Variants in EIF4E3 observed in about 807,000 individuals in gnomAD.
EIF4E3 encodes the protein eukaryotic translation initiation factor 4E type 3.
In EIF4E3, 26 loss-of-function variants were observed where a neutral mutation model predicts 31.7. The ratio of observed to expected loss-of-function variants is 0.82; its 90% CI spans 0.60 to 1.14. The LOEUF (loss-of-function observed/expected upper bound fraction) is 1.14. EIF4E3 is among the 50% of genes most tolerant of loss of function. The pLI is 0.00. For missense variants in EIF4E3, 304 were observed against 270.9 expected (o/e 1.12, Z -0.86); for synonymous variants, 128 against 107.7 (o/e 1.19, Z -1.17).
intron 2 of EIF4E3, among the ~76,000 whole-genome samples, chr3:71,709,928 G>A (rs2108076482): frequency 6.6e-6 from 1 of 152,230 alleles, no homozygotes; most frequent in South Asian, 2.1e-4. Context: ...GAATTGCGAA[G>A]TGAAGTAGGA....
At position 71,717,038 on chromosome 3, in the gene EIF4E3, A is replaced by G. The variant is rs187887432; in HGVS notation, c.177-6554T>C. ...ACACTATCTTAATCATTACCTGGCTATCTTTTATCAGACCACAGCACCACT... is the reference window on the plus strand; with the variant it reads ...ACACTATCTTAATCATTACCTGGCTGTCTTTTATCAGACCACAGCACCACT... On this transcript the variant is annotated intron_variant, in intron 1 of 6. Coordinates refer to ENST00000425534, the MANE Select transcript of EIF4E3 (RefSeq NM_001134651.2). Among the ~76,000 whole-genome samples the G allele has an allele frequency of 2.6e-5, 4 of 152,372 alleles. No homozygotes were observed. The East Asian group carries it at 7.7e-4, about 29-fold the overall frequency.
intron 1 of EIF4E3, among the ~76,000 whole-genome samples, chr3:71,715,052 G>C (rs1423373349): frequency 6.6e-6 from 1 of 152,206 alleles, no homozygotes; most frequent in Admixed American, 6.5e-5. Context: ...CAGTCCAGGG[G>C]TGCTCATCTG....
At chr3:71,744,554 G>C (rs1459957914) in intron 1 of EIF4E3, among the ~76,000 whole-genome samples, 2 of 152,186 alleles carry the variant, frequency 1.3e-5, no homozygotes, top group African/African-American at 4.8e-5. Context: ...AGACCAGCCT[G>C]ATCAACATGG....
chr3:71,727,355 C>T (rs1017252017), upstream of EIF4E3, among the ~76,000 whole-genome samples: 1 of 152,198 alleles, frequency 6.6e-6, no homozygotes, highest in African/African-American at 2.4e-5. Flanking sequence ...AATACCAATG[C>T]TGTACCTTCT....
chr3:71,684,728 G>T lies in EIF4E3; in HGVS notation c.629C>A (p.Pro210His). The change falls in exon 7 of 7, where the codon CCC becomes CAC. Residue 210 changes from proline to histidine, a missense_variant and splice_region_variant. Transcript: ENST00000425534. Reference sequence around the variant, plus strand: ...TTCAAAAGCATGATGCTCTTCATGGGCTAAAGGACAGAAAAAAAACAAAAA... The same window carrying T: ...TTCAAAAGCATGATGCTCTTCATGGTCTAAAGGACAGAAAAAAAACAAAAA... ...HITFKAVFYK[P>H]HEEHHAFEGG... The T allele has an allele frequency of 6.2e-7, 1 of 1,613,414 alleles. No homozygotes were observed. The highest frequency in any genetic ancestry group is 8.5e-7 in the Non-Finnish European group (1 of 1,179,830).
At position 71,680,161 on chromosome 3, in the gene EIF4E3, C is replaced by T. The variant is rs2048906816; in HGVS notation, c.*4521G>A. 6.6e-6 allele frequency: 1 copy of T among 152,130 alleles called. No individual in the cohort carries two copies. The allele number at this position is 152,130 out of a possible 1,614,324, so 9.4% of individuals were successfully genotyped here. The stretch of plus-strand genomic sequence containing the variant: ...CCAGCCTTCATAAGATTGTTGGTAT[C>T]ATACATTGGAATCAGGTCACCTGAC... On this transcript the variant is annotated 3_prime_UTR_variant, in exon 7 of 7. Transcript: ENST00000425534.
chr3:71,730,075 G>C (rs1418821240), upstream of EIF4E3, among the ~76,000 whole-genome samples: 2 of 152,182 alleles, frequency 1.3e-5, no homozygotes, highest in Non-Finnish European at 2.9e-5. Context: ...GGAAGGGACT[G>C]GCCTGGGGCA....
intron 1 of EIF4E3, among the ~76,000 whole-genome samples, chr3:71,739,258 A>C (rs1435172103): frequency 4.0e-5 from 6 of 151,754 alleles, no homozygotes; most frequent in Non-Finnish European, 8.8e-5. Flanking sequence ...TAAAGAGCAG[A>C]AATTAATAAA....
chr3:71,734,716 T>C (rs1322280831), intron 1 of EIF4E3, among the ~76,000 whole-genome samples: 1 of 152,188 alleles, frequency 6.6e-6, no homozygotes, highest in Non-Finnish European at 1.5e-5. Context: ...AACGTCCAGA[T>C]GGAAATGAAT....
At chr3:71,701,129 C>T (rs757481497) in intron 2 of EIF4E3, among the ~76,000 whole-genome samples, 4 of 152,140 alleles carry the variant, frequency 2.6e-5, no homozygotes, top group Non-Finnish European at 4.4e-5. Context: ...GCATAAACTG[C>T]CCAGTCTATG....
the EIF4E3 span, among the ~76,000 whole-genome samples, chr3:71,661,583 C>T: frequency 1.3e-5 from 2 of 152,154 alleles, no homozygotes; most frequent in South Asian, 4.1e-4. Flanking sequence ...TTCAGGGTAG[C>T]AAACCCTCTG....
intron 1 of EIF4E3, among the ~76,000 whole-genome samples, chr3:71,716,939 T>G (rs1485532808): frequency 6.6e-6 from 1 of 152,206 alleles, no homozygotes; most frequent in Non-Finnish European, 1.5e-5. Flanking sequence ...ACCCCACTTT[T>G]AAAGATATAA....
intron 1 of EIF4E3, among the ~76,000 whole-genome samples, chr3:71,735,234 T>A (rs1161999431): frequency 2.0e-5 from 3 of 152,306 alleles, no homozygotes; most frequent in Non-Finnish European, 4.4e-5. Context: ...AATAATTTCC[T>A]TTATTTTACA....
Position 71,696,437 on chromosome 3 carries a change from G to T in EIF4E3, c.405+23C>A. On this transcript the variant is annotated intron_variant, in intron 4 of 6. Coordinates refer to ENST00000425534, the MANE Select transcript of EIF4E3 (RefSeq NM_001134651.2). ...ACAACTCCAAGCCTCGCCGGTTCTA[G>T]AAGAGGATCAGTAGGAACCTACCGT... is the stretch of plus-strand genomic sequence containing the variant. 3 of 1,613,756 alleles carry T rather than the reference G, an allele frequency of 1.9e-6. No individual in the cohort carries two copies. The South Asian group carries it at 3.3e-5, about 18-fold the overall frequency.
chr3:71,728,862 A>G (rs2049670545), upstream of EIF4E3: 1 of 152,180 alleles, frequency 6.6e-6, no homozygotes, highest in Admixed American at 6.5e-5. Flanking sequence ...TCATTTTCCA[A>G]ATGAGAAAAG....
chr3:71,725,707 C>G (rs559889403), upstream of EIF4E3, among the ~76,000 whole-genome samples: 157 of 152,076 alleles, frequency 1.0e-3, no homozygotes, highest in African/African-American at 3.6e-3. The surrounding 1 kb of genome is among the most constrained non-coding windows in gnomAD (Gnocchi z 6.1). Context: ...TGAGAGGGAC[C>G]GGGGAACGGT....
chr3:71,718,469 C>G (rs913214508), intron 1 of EIF4E3, among the ~76,000 whole-genome samples: 2 of 152,328 alleles, frequency 1.3e-5, no homozygotes, highest in East Asian at 1.9e-4. Context: ...TTAACAGTAG[C>G]AACTGGGGCT....
At chr3:71,740,828 A>C (rs1476571968) in intron 1 of EIF4E3, among the ~76,000 whole-genome samples, 1 of 152,240 alleles carries the variant, frequency 6.6e-6, no homozygotes, top group Non-Finnish European at 1.5e-5. Flanking sequence ...AAAGAATTGT[A>C]AGAATTCATT....
rs2048882739 is a variant in EIF4E3 at position 71,677,470 on chromosome 3, A to G, written c.*7212T>C. On this transcript the variant is annotated 3_prime_UTR_variant, in exon 7 of 7. Transcript: ENST00000425534. ...GTACGTTAGGTGACAAGGCAGAGGA[A>G]CCTATGCTAATAGAACAACCGAGAA... 6.6e-6 allele frequency: 1 copy of G among 152,184 alleles called. No homozygotes were observed. The highest frequency in any genetic ancestry group is 1.5e-5 in the Non-Finnish European group (1 of 68,026). 9.4% of individuals were successfully genotyped at this position (152,184 alleles called of 1,614,324 possible). A position where few individuals can be genotyped will look rare whatever the true frequency, so the allele number is the denominator to read the frequency against.
Sources: allele counts gnomAD v4.1 joint callset (sites outside exome capture counted in the v4.1 genomes callset), GRCh38; gene constraint gnomAD v4.1.1; non-coding constraint Gnocchi (gnomAD v3.1); transcripts MANE v1.5; gene names NCBI Gene and HGNC (gene_info 2026-07-23, HGNC 2026-07-21).